The following PCDHA13 variants were observed in gnomAD, a reference collection of about 807,000 sequenced individuals.
PCDHA13 encodes protocadherin alpha 13, also known as protocadherin alpha-13.
PCDHA13 carries 54 observed loss-of-function variants against 64.8 expected under a neutral mutation model. The ratio of observed to expected loss-of-function variants is 0.83; its 90% confidence interval spans 0.67 to 1.04. PCDHA13 has a LOEUF of 1.04. Among genes scored for constraint, PCDHA13 ranks in the 50% least tolerant of loss-of-function variants. The pLI is 0.00. For missense variants in PCDHA13, 1,248 were observed against 1,254.3 expected (o/e 0.99, Z 0.08); for synonymous variants, 587 against 564.4 (o/e 1.04, Z -0.57).
chr5:140,905,086 G>A (rs1454643340), intron 1 of PCDHA13, among the ~76,000 whole-genome samples: 1 of 152,056 alleles, frequency 6.6e-6, no homozygotes, highest in Non-Finnish European at 1.5e-5. Flanking sequence ...CTTTCTTTTG[G>A]GTTCTCAGTC....
At chr5:140,927,714 C>G (rs111315855) in intron 1 of PCDHA13, 1 of 1,614,198 alleles carries the variant, frequency 6.2e-7, no homozygotes. Flanking sequence ...CCCTAAGCAA[C>G]AGCACGCAAG....
chr5:140,930,859 G>GAT lies in PCDHA13; in HGVS notation c.2394+46198_2394+46199dup, dbSNP rs1554208143. On this transcript the variant is annotated intron_variant, in intron 1 of 3. Transcript: ENST00000289272. ...AATAAATATGTGCATATATGAATTG[G>GAT]ATGGTAACACTGTTCAACACAGAGG... Among the ~76,000 whole-genome samples, 803 of 152,288 alleles carry GAT rather than the reference G, an allele frequency of 5.3e-3. 3 individuals are homozygous for GAT. Among genetic ancestry groups the GAT allele is most frequent in the Non-Finnish European group, 8.4e-3 (568 of 68,020 alleles).
chr5:140,929,080 A>G, intron 1 of PCDHA13: 1 of 1,614,180 alleles, frequency 6.2e-7, no homozygotes, highest in Non-Finnish European at 8.5e-7. Context: ...GTATGGAAGT[A>G]AGATGGTTTC....
intron 1 of PCDHA13, among the ~76,000 whole-genome samples, chr5:140,926,169 G>C (rs1212199081): frequency 6.6e-6 from 1 of 151,734 alleles, no homozygotes; most frequent in Non-Finnish European, 1.5e-5. Flanking sequence ...GCAGGATCCA[G>C]CGCGGAAAGC....
chr5:140,884,116 C>T lies in PCDHA13; in HGVS notation c.1848C>T (p.Val616=), dbSNP rs1554181240. The T allele has an allele frequency of 1.2e-6, 2 of 1,613,304 alleles. No homozygotes were observed. The highest frequency in any genetic ancestry group is 2.2e-5 in the South Asian group (2 of 91,050). The change falls in exon 1 of 4, where the codon GTC becomes GTT. Residue 616 remains valine (V), a synonymous_variant. Coordinates refer to ENST00000289272, the MANE Select transcript of PCDHA13 (RefSeq NM_018904.3). Reference sequence around the variant, plus strand: ...CGTATGAATTGCAGCTGGCGGCGGTCGGCGCGCGCATCCCGTTCCGCGTGG... The same window carrying T: ...CGTATGAATTGCAGCTGGCGGCGGTTGGCGCGCGCATCCCGTTCCGCGTGG... The part of the protein sequence containing the change: ...WLSYELQLAA[V]GARIPFRVGL...
At chr5:140,909,087 T>G (rs2074309493) in intron 1 of PCDHA13, among the ~76,000 whole-genome samples, 1 of 152,234 alleles carries the variant, frequency 6.6e-6, no homozygotes, top group Admixed American at 6.5e-5. Flanking sequence ...TGTTTGCTAC[T>G]TCTCACTCAC....
At chr5:140,973,959 G>A (rs782474164) in intron 1 of PCDHA13, among the ~76,000 whole-genome samples, 2 of 152,198 alleles carry the variant, frequency 1.3e-5, no homozygotes, top group Admixed American at 6.5e-5. Flanking sequence ...TTTTACAGGT[G>A]TCTTTAAATG....
chr5:140,930,654 C>T (rs1229167848), intron 1 of PCDHA13, among the ~76,000 whole-genome samples: 1 of 152,106 alleles, frequency 6.6e-6, no homozygotes, highest in Non-Finnish European at 1.5e-5. Context: ...ATGAAGCATT[C>T]CTTGTTTTAC....
intron 1 of PCDHA13, chr5:140,966,863 C>G: frequency 6.4e-7 from 1 of 1,562,680 alleles, no homozygotes; most frequent in Non-Finnish European, 8.6e-7. Flanking sequence ...GCTGCTGTTG[C>G]TGCTGCTGCT....
chr5:141,004,461 A>C (rs1160733381), intron 3 of PCDHA13, among the ~76,000 whole-genome samples: 1 of 152,216 alleles, frequency 6.6e-6, no homozygotes, highest in Non-Finnish European at 1.5e-5. Context: ...CAGGAAGCTC[A>C]GTGACATGTT....
At chr5:140,979,126 A>G in intron 2 of PCDHA13, 119 bp downstream of exon 2, 2 of 1,481,366 alleles carry the variant, frequency 1.4e-6, no homozygotes, top group South Asian at 1.4e-5. Context: ...GTACTTTGCC[A>G]GGAAAATGCA....
chr5:140,906,534 A>G (rs7704223), intron 1 of PCDHA13, among the ~76,000 whole-genome samples: 49,309 of 152,142 alleles, frequency 0.32, 8,308 homozygotes, highest in East Asian at 0.53. Flanking sequence ...GACAATTAAA[A>G]TCCTCATTTC....
intron 1 of PCDHA13, chr5:140,967,964 G>T: frequency 6.2e-7 from 1 of 1,614,210 alleles, no homozygotes. Flanking sequence ...CAACCGGAAA[G>T]TGAGCCTGGG....
chr5:140,937,326 C>T (rs1287239556), intron 1 of PCDHA13, among the ~76,000 whole-genome samples: 1 of 152,164 alleles, frequency 6.6e-6, no homozygotes, highest in South Asian at 2.1e-4. Context: ...CGTGAGCCAC[C>T]GCGCCCGGCT....
chr5:140,985,139 G>A (rs782548607), intron 3 of PCDHA13, among the ~76,000 whole-genome samples: 6 of 152,126 alleles, frequency 3.9e-5, no homozygotes, highest in South Asian at 2.1e-4. Flanking sequence ...GGGTTTCACC[G>A]TGTTAGCCAG....
intron 1 of PCDHA13, among the ~76,000 whole-genome samples, chr5:140,961,726 A>ACAAT (rs1470566144): frequency 1.4e-4 from 21 of 152,270 alleles, no homozygotes; most frequent in African/African-American, 4.8e-4. Flanking sequence ...GTGCTCATAA[A>ACAAT]CAATCACTTT....
At chr5:140,911,396 G>C (rs1348303429) in intron 1 of PCDHA13, among the ~76,000 whole-genome samples, 1 of 152,104 alleles carries the variant, frequency 6.6e-6, no homozygotes, top group Non-Finnish European at 1.5e-5. Context: ...TTTCATTGCA[G>C]GTCAGCCACT....
chr5:140,926,912 C>A, intron 1 of PCDHA13: 1 of 1,561,732 alleles, frequency 6.4e-7, no homozygotes. Context: ...TGTGGGGTGG[C>A]AGTTTTATGT....
chr5:140,887,074 G>T (rs1554182860), intron 1 of PCDHA13, among the ~76,000 whole-genome samples: 2 of 151,506 alleles, frequency 1.3e-5, no homozygotes, highest in Non-Finnish European at 2.9e-5. Flanking sequence ...AATTCACTCA[G>T]CTTTTGTCTG....
Sources: allele counts gnomAD v4.1 joint callset (sites outside exome capture counted in the v4.1 genomes callset), GRCh38; gene constraint gnomAD v4.1.1; transcripts MANE v1.5; gene names NCBI Gene and HGNC (gene_info 2026-07-23, HGNC 2026-07-21).